UFD1: variants seen among roughly 807,000 people sequenced by gnomAD.
UFD1 encodes ubiquitin recognition factor in ER associated degradation 1.
In UFD1, 13 loss-of-function variants were observed where a neutral mutation model predicts 45.9. The observed-to-expected ratio is 0.28, with a 90% confidence interval of 0.18 to 0.45. The LOEUF is 0.45. Among genes scored for constraint, UFD1 ranks in the 20% least tolerant of loss-of-function variants. The probability of loss-of-function intolerance (pLI) is 1.00; values close to 1 mark genes in which losing one functional copy is unlikely to be tolerated. For synonymous variants in UFD1, 128 were observed against 139.2 expected (o/e 0.92, Z 0.56); for missense variants, 218 against 389.2 (o/e 0.56, Z 3.70).
At chr22:19,478,064 C>T (rs965623962) in intron 1 of UFD1, among the ~76,000 whole-genome samples, 2 of 152,172 alleles carry the variant, frequency 1.3e-5, no homozygotes, top group African/African-American at 2.4e-5. Flanking sequence ...TAAGCCATTT[C>T]TTCTCTTTGA....
intron 6 of UFD1, among the ~76,000 whole-genome samples, chr22:19,463,625 C>T (rs190556754): frequency 6.6e-6 from 1 of 152,318 alleles, no homozygotes; most frequent in African/African-American, 2.4e-5. Context: ...AATGACAACA[C>T]CCACCTCTGT....
chr22:19,450,761 G>C lies in UFD1; in HGVS notation c.850-17C>G, dbSNP rs2146282938. ...AGCTTCATCCTAGGTTTGAAGAGAAGATACTATTTTCAGAAACTCCCTGGA... is the reference window on the plus strand; with the variant it reads ...AGCTTCATCCTAGGTTTGAAGAGAACATACTATTTTCAGAAACTCCCTGGA... On this transcript the variant is annotated splice_polypyrimidine_tract_variant and intron_variant, in intron 11 of 11. Coordinates refer to ENST00000263202, the MANE Select transcript of UFD1 (RefSeq NM_005659.7). The C allele has an allele frequency of 6.2e-7, 1 of 1,614,056 alleles. No homozygotes were observed. Among genetic ancestry groups the C allele is most frequent in the East Asian group, 2.2e-5 (1 of 44,884 alleles).
intron 11 of UFD1, chr22:19,453,439 G>A: frequency 1.0e-6 from 1 of 985,450 alleles, no homozygotes; most frequent in Admixed American, 6.1e-5. Flanking sequence ...TGGTCAAACA[G>A]GCCTGCTGTG....
intron 11 of UFD1, chr22:19,453,236 C>T (rs2095751979): frequency 3.0e-6 from 3 of 985,428 alleles, no homozygotes; most frequent in African/African-American, 1.7e-5. Flanking sequence ...ACAATCTACA[C>T]AGAACTGCTT....
chr22:19,457,776 A>C (rs9606024), intron 7 of UFD1, among the ~76,000 whole-genome samples: 55,992 of 151,750 alleles, frequency 0.37, 12,653 homozygotes, highest in Non-Finnish European at 0.5. Flanking sequence ...GCACCACTGC[A>C]CTCCAGCCTG....
chr22:19,463,062 T>C (rs2089778464), intron 6 of UFD1, among the ~76,000 whole-genome samples: 1 of 152,240 alleles, frequency 6.6e-6, no homozygotes, highest in South Asian at 2.1e-4. Context: ...GTATTTGGTA[T>C]TTTCTACCTG....
intron 6 of UFD1, among the ~76,000 whole-genome samples, chr22:19,458,761 T>C (rs2089743197): frequency 6.6e-6 from 1 of 152,134 alleles, no homozygotes; most frequent in African/African-American, 2.4e-5. Flanking sequence ...TTATTCTAAG[T>C]AAATAACTAG....
chr22:19,450,660 C>G lies in UFD1; in HGVS notation c.*10G>C, dbSNP rs765703447. On this transcript the variant is annotated 3_prime_UTR_variant, in exon 12 of 12. Coordinates refer to ENST00000263202, the MANE Select transcript of UFD1 (RefSeq NM_005659.7). ...CTTTTATTATTTTCCAATCAGCCAA[C>G]AGTCCTCACTTAGGGCTTTCTTCCC... 3 of 1,614,124 alleles carry G rather than the reference C, an allele frequency of 1.9e-6. No homozygotes were observed. The East Asian group carries it at 6.7e-5, about 36-fold the overall frequency.
At chr22:19,475,701 C>CTCTGACAATGTTT in intron 1 of UFD1, 99 bp from the exon 2 acceptor site, 1 of 1,351,916 alleles carries the variant, frequency 7.4e-7, no homozygotes, top group Non-Finnish European at 1.0e-6. Flanking sequence ...TAAACATTGT[C>CTCTGACAATGTTT]AGAGAACACA....
intron 4 of UFD1, chr22:19,471,325 A>T (rs996010149): frequency 3.7e-6 from 2 of 547,656 alleles, no homozygotes; most frequent in Non-Finnish European, 7.2e-6. Flanking sequence ...TACTAAAAGT[A>T]GGGGAAAAGC....
chr22:19,479,021 C>G, intron 1 of UFD1, 62 bp downstream of exon 1: 1 of 1,548,438 alleles, frequency 6.5e-7, no homozygotes, highest in South Asian at 1.2e-5. Flanking sequence ...CCTGCCCCGC[C>G]GGGCCCTACC....
Position 19,471,811 on chromosome 22 carries a change from G to A in UFD1, c.170-3C>T. The stretch of plus-strand genomic sequence containing the variant: ...GGGATAGGTAATGTTAAGTCGGCCT[G>A]AAAATAAGAGAGAGACTATGAGGCA... On this transcript the variant is annotated splice_region_variant and splice_polypyrimidine_tract_variant and intron_variant, in intron 3 of 11. Coordinates refer to ENST00000263202, the MANE Select transcript of UFD1 (RefSeq NM_005659.7). 6.2e-7 allele frequency: 1 copy of A among 1,612,960 alleles called. No individual in the cohort carries two copies. The highest frequency in any genetic ancestry group is 1.7e-4 in the Middle Eastern group (1 of 6,054).
intron 1 of UFD1, chr22:19,478,848 G>A (rs1186654064): frequency 5.5e-6 from 3 of 547,066 alleles, no homozygotes; most frequent in South Asian, 4.9e-5. Context: ...GTCAAGGAGG[G>A]CAAGTCCGGC....
intron 11 of UFD1, chr22:19,454,044 C>G: frequency 3.0e-6 from 3 of 985,678 alleles, no homozygotes; most frequent in African/African-American, 3.5e-5. Flanking sequence ...TTCCTCTGTC[C>G]CGCCACCACC....
chr22:19,479,163 C>A lies in UFD1; in HGVS notation c.-78G>T, dbSNP rs545807767. On this transcript the variant is annotated 5_prime_UTR_variant, in exon 1 of 12. Transcript: ENST00000263202. ...CCCCGCCGACCGCTCTCCCAGCCGC[C>A]GCTGCCGCTGCCGCCGCGCCAAGCC... 6.4e-7 allele frequency: 1 copy of A among 1,569,350 alleles called. No homozygotes were observed. Among genetic ancestry groups the A allele is most frequent in the Non-Finnish European group, 8.6e-7 (1 of 1,159,540 alleles).
At chr22:19,476,548 T>C (rs1389976155) in intron 1 of UFD1, among the ~76,000 whole-genome samples, 4 of 150,418 alleles carry the variant, frequency 2.7e-5, no homozygotes, top group Non-Finnish European at 5.9e-5. Flanking sequence ...ATTTGAAGGT[T>C]TTCTCAAAGT....
At chr22:19,451,043 G>C in intron 11 of UFD1, 1 of 1,075,102 alleles carries the variant, frequency 9.3e-7, no homozygotes. Context: ...AGGATGGTTT[G>C]AGCCAGGGCC....
intron 2 of UFD1, 43 bp from the exon 3 acceptor site, chr22:19,475,143 A>G (rs1366427490): frequency 1.9e-6 from 3 of 1,579,856 alleles, no homozygotes; most frequent in Admixed American, 1.7e-5. Flanking sequence ...ATAAAAATAA[A>G]AAGGACAGAC....
intron 1 of UFD1, chr22:19,478,752 T>C (rs961496077): frequency 2.4e-6 from 1 of 414,354 alleles, no homozygotes. Flanking sequence ...CCCAGCAACC[T>C]TGCAACTAAC....
Sources: allele counts gnomAD v4.1 joint callset (sites outside exome capture counted in the v4.1 genomes callset), GRCh38; gene constraint gnomAD v4.1.1; transcripts MANE v1.5; gene names NCBI Gene and HGNC (gene_info 2026-07-23, HGNC 2026-07-21).